The following EXT1 variants were observed in gnomAD, a reference collection of about 807,000 sequenced individuals.
EXT1 encodes exostosin glycosyltransferase 1.
In EXT1, 20 loss-of-function variants were observed where a neutral mutation model predicts 82.5. The ratio of observed to expected loss-of-function variants is 0.24; its 90% CI spans 0.17 to 0.35. The LOEUF is 0.35. Ranked by LOEUF, EXT1 falls within the 10% of genes least tolerant of loss-of-function variation. EXT1 has a pLI of 1.00. For missense variants in EXT1, 757 were observed against 936.5 expected, an observed-to-expected ratio of 0.81 and a Z score of 2.50; for synonymous variants, 348 against 350.8, an observed-to-expected ratio of 0.99 and a Z score of 0.09.
At chr8:117,890,261 A>ATCAG (rs1275752823) in intron 1 of EXT1, among the ~76,000 whole-genome samples, 2 of 152,234 alleles carry the variant, frequency 1.3e-5, no homozygotes, top group African/African-American at 4.8e-5. Flanking sequence ...TAAAGTTTGG[A>ATCAG]TCAGTCAATA....
rs564658417 is a variant in EXT1, at chr8:117,954,176, A to G, written c.963-116975T>C. Among the ~76,000 whole-genome samples the G allele has an allele frequency of 2.8e-4, 42 of 152,244 alleles. 1 individual carries two copies. The South Asian group carries it at 7.1e-3, about 26-fold the overall frequency. On this transcript the variant is annotated intron_variant, in intron 1 of 10. Transcript: ENST00000378204. ...GGGCTGTTTGCTTGACCCGCGACTA[A>G]TGGAAGCCCAGCTCTGACTGCCCCT...
At chr8:117,835,335 G>A (rs1279646724) in intron 3 of EXT1, 109 bp downstream of exon 3, 3 of 804,968 alleles carry the variant, frequency 3.7e-6, no homozygotes, top group African/African-American at 3.4e-5. Context: ...ATTTTCTCCT[G>A]ATAAGATTTC....
chr8:117,909,780 A>G (rs949314786), intron 1 of EXT1, among the ~76,000 whole-genome samples: 2 of 151,516 alleles, frequency 1.3e-5, no homozygotes, highest in Non-Finnish European at 2.9e-5. Flanking sequence ...TTTTATTTTT[A>G]TTTTTTAGAT....
At chr8:117,879,059 C>T (rs554718783) in intron 1 of EXT1, among the ~76,000 whole-genome samples, 17 of 152,294 alleles carry the variant, frequency 1.1e-4, no homozygotes, top group South Asian at 1.0e-3. Flanking sequence ...CTTGAGCTCT[C>T]ATTTCATTGG....
chr8:118,000,212 G>A (rs999058542), intron 1 of EXT1, among the ~76,000 whole-genome samples: 3 of 152,172 alleles, frequency 2.0e-5, no homozygotes, highest in African/African-American at 7.2e-5. Context: ...ATAAAAGACA[G>A]ATGGAAGGGA....
chr8:117,824,739 C>A (rs1811981870), intron 4 of EXT1, among the ~76,000 whole-genome samples: 1 of 152,140 alleles, frequency 6.6e-6, no homozygotes, highest in Non-Finnish European at 1.5e-5. Context: ...TAATAGTATT[C>A]ATGATTCATT....
chr8:117,878,575 G>A (rs1418984800), intron 1 of EXT1, among the ~76,000 whole-genome samples: 5 of 152,148 alleles, frequency 3.3e-5, no homozygotes. Context: ...CATAAGGTTG[G>A]CCAAGTTGTT....
Position 118,073,651 on chromosome 8 carries a change from AGAG to A in EXT1, c.962+36431_962+36433del, listed in dbSNP as rs1463775344. Among the ~76,000 whole-genome samples the A allele has an allele frequency of 4.7e-5, 6 of 126,782 alleles. No individual in the cohort carries two copies. In the East Asian group the frequency reaches 1.3e-3, roughly 27 times the overall value. The allele number at this position is 126,782 out of a possible 152,430, so 83.2% of individuals were successfully genotyped here. A position where few individuals can be genotyped will look rare whatever the true frequency, so the allele number is the denominator to read the frequency against. On this transcript the variant is annotated intron_variant, in intron 1 of 10. Transcript: ENST00000378204. ...AAGAGAAAGAAGAGAAGAGAAGAGA[AGAG>A]AAGAGAAGAGAAGAGAAGAGAAGAG...
intron 1 of EXT1, among the ~76,000 whole-genome samples, chr8:117,951,130 G>C (rs1814483246): frequency 6.6e-6 from 1 of 152,178 alleles, no homozygotes; most frequent in Admixed American, 6.5e-5. Flanking sequence ...TCTGTAAAAG[G>C]AGAAAGTGAG....
intron 8 of EXT1, 54 bp from the exon 9 acceptor site, chr8:117,807,431 C>T: frequency 1.3e-6 from 2 of 1,596,506 alleles, no homozygotes; most frequent in South Asian, 2.2e-5. Flanking sequence ...CAAATGTCAA[C>T]AAAACATTAC....
chr8:118,003,428 T>C (rs556842330), intron 1 of EXT1, among the ~76,000 whole-genome samples: 2 of 152,150 alleles, frequency 1.3e-5, no homozygotes, highest in Admixed American at 6.5e-5. Flanking sequence ...AAAAAGAAAT[T>C]AGATTTTTCT....
rs201058437 is a variant in EXT1, at chr8:117,835,471, G to A, written c.1137C>T (p.Val379=). Residue 379 remains valine (V), a synonymous_variant, in exon 3 of 11, where the codon GTC becomes GTT. Coordinates refer to ENST00000378204, the MANE Select transcript of EXT1 (RefSeq NM_000127.3). ...GTAATAACAATCTCTCATCGCCTAT[G>A]ACGGCAGCTTGGTTCCAATTAATCA... ...SEVINWNQAA[V]IGDERLLLQI... 2.5e-6 allele frequency: 4 copies of A among 1,614,086 alleles called. No individual in the cohort carries two copies. The highest frequency in any genetic ancestry group is 3.4e-6 in the Non-Finnish European group (4 of 1,179,948).
At chr8:118,056,924 C>T (rs1355921777) in intron 1 of EXT1, among the ~76,000 whole-genome samples, 3 of 152,116 alleles carry the variant, frequency 2.0e-5, no homozygotes, top group Non-Finnish European at 4.4e-5. Flanking sequence ...AGAACAACTC[C>T]TCACAACCAA....
chr8:117,946,052 A>T (rs2129683911), intron 1 of EXT1, among the ~76,000 whole-genome samples: 1 of 152,230 alleles, frequency 6.6e-6, no homozygotes, highest in Admixed American at 6.5e-5. Flanking sequence ...GGCGCGTGCC[A>T]CCATGCCCGG....
intron 1 of EXT1, among the ~76,000 whole-genome samples, chr8:118,028,286 T>G (rs1040260244): frequency 1.4e-4 from 21 of 152,244 alleles, no homozygotes; most frequent in African/African-American, 5.1e-4. Context: ...GCATCTGGCC[T>G]CTAGGAAAAA....
chr8:117,935,321 CTTTTT>C (rs3049789), intron 1 of EXT1, among the ~76,000 whole-genome samples: 3 of 124,000 alleles, frequency 2.4e-5, no homozygotes, highest in Admixed American at 8.5e-5. Context: ...TTATCTATCA[CTTTTT>C]TTTTTTTTTT....
intron 8 of EXT1, among the ~76,000 whole-genome samples, chr8:117,811,146 T>C (rs561544801): frequency 1.3e-5 from 2 of 152,274 alleles, no homozygotes; most frequent in Admixed American, 1.3e-4. Context: ...ATTTGAATCA[T>C]CTGATTTGAA....
At chr8:117,990,443 T>C (rs1459353211) in intron 1 of EXT1, among the ~76,000 whole-genome samples, 2 of 152,202 alleles carry the variant, frequency 1.3e-5, no homozygotes, top group Non-Finnish European at 2.9e-5. Context: ...GCTGAAGCGA[T>C]ATCTCGACAC....
chr8:117,805,018 G>C (rs1586989312), intron 9 of EXT1, 125 bp from the exon 10 acceptor site: 4 of 767,234 alleles, frequency 5.2e-6, no homozygotes, highest in Middle Eastern at 2.8e-4. Flanking sequence ...TAATGATAAT[G>C]ATGATGATGA....
Sources: gnomAD v4.1 joint callset for allele counts (sites outside exome capture counted in the v4.1 genomes callset) on GRCh38, gnomAD v4.1.1 for gene constraint, MANE v1.5 for transcripts, NCBI Gene and HGNC (gene_info 2026-07-23, HGNC 2026-07-21) for gene names.